ZNF804A: variants seen among roughly 807,000 people sequenced by gnomAD.
The protein encoded by ZNF804A is zinc finger protein 804A.
A neutral mutation model predicts 16.5 loss-of-function variants in ZNF804A; 2 were observed. The ratio of observed to expected loss-of-function variants is 0.12; its 90% CI spans 0.05 to 0.38. The LOEUF (loss-of-function observed/expected upper bound fraction) is 0.38. ZNF804A is among the 10% of genes least tolerant of loss of function. The probability of loss-of-function intolerance (pLI) is 0.99; values close to 1 mark genes in which losing one functional copy is unlikely to be tolerated. For missense variants in ZNF804A, 1,473 were observed against 1,390.7 expected (o/e 1.06, Z -0.94); for synonymous variants, 534 against 489.6 (o/e 1.09, Z -1.20).
intron 1 of ZNF804A, among the ~76,000 whole-genome samples, chr2:184,750,074 G>A (rs1165544700): frequency 1.3e-5 from 2 of 151,320 alleles, no homozygotes; most frequent in Admixed American, 1.3e-4. Context: ...CATCGAGACT[G>A]TATATATGTG....
intron 1 of ZNF804A, among the ~76,000 whole-genome samples, chr2:184,831,949 GA>G (rs1464572608): frequency 1.3e-5 from 2 of 151,978 alleles, no homozygotes; most frequent in Middle Eastern, 3.2e-3. Flanking sequence ...AACTACACGT[GA>G]GTGGAAACGA....
intron 1 of ZNF804A, among the ~76,000 whole-genome samples, chr2:184,619,832 A>G (rs994003211): frequency 3.9e-5 from 6 of 151,966 alleles, no homozygotes; most frequent in African/African-American, 1.4e-4. Flanking sequence ...AAGAATAAAT[A>G]CAGCAGAGAA....
intron 1 of ZNF804A, among the ~76,000 whole-genome samples, chr2:184,739,589 G>A (rs1002618486): frequency 2.0e-5 from 3 of 152,070 alleles, no homozygotes; most frequent in South Asian, 2.1e-4. Context: ...ACAGGGTTTT[G>A]CCATGTTGGC....
At chr2:184,675,272 T>C (rs547754501) in intron 1 of ZNF804A, among the ~76,000 whole-genome samples, 1 of 151,956 alleles carries the variant, frequency 6.6e-6, no homozygotes, top group South Asian at 2.1e-4. Context: ...ATTATTGTTA[T>C]TACTAATCCT....
intron 1 of ZNF804A, among the ~76,000 whole-genome samples, chr2:184,746,223 A>G (rs1693787337): frequency 6.6e-6 from 1 of 151,548 alleles, no homozygotes. Flanking sequence ...ACTTTGAAAT[A>G]CACAATAAGT....
At chr2:184,801,815 G>A (rs756511493) in intron 1 of ZNF804A, among the ~76,000 whole-genome samples, 2 of 152,144 alleles carry the variant, frequency 1.3e-5, no homozygotes, top group African/African-American at 2.4e-5. Context: ...TGTCTCTTCA[G>A]AGTGTAGATT....
At chr2:184,753,657 A>C (rs1269873330) in intron 1 of ZNF804A, among the ~76,000 whole-genome samples, 1 of 151,654 alleles carries the variant, frequency 6.6e-6, no homozygotes, top group Non-Finnish European at 1.5e-5. Context: ...TCACATGATA[A>C]CTCAGCAATG....
intron 1 of ZNF804A, among the ~76,000 whole-genome samples, chr2:184,735,440 T>C (rs1693591933): frequency 6.6e-6 from 1 of 151,920 alleles, no homozygotes; most frequent in African/African-American, 2.4e-5. Flanking sequence ...CGGGGCCTGT[T>C]TGGGGGTGGG....
chr2:184,767,426 AGTTACCACGG>A (rs556322823), intron 1 of ZNF804A, among the ~76,000 whole-genome samples: 26 of 152,254 alleles, frequency 1.7e-4, no homozygotes, highest in African/African-American at 6.3e-4. Flanking sequence ...AAGTAGAATG[AGTTACCACGG>A]GTTTGTGGAA....
chr2:184,791,729 A>C (rs991193240), intron 1 of ZNF804A, among the ~76,000 whole-genome samples: 2 of 151,924 alleles, frequency 1.3e-5, no homozygotes, highest in Non-Finnish European at 2.9e-5. Flanking sequence ...ATTAGATTTC[A>C]CTCTTGGTGT....
intron 2 of ZNF804A, among the ~76,000 whole-genome samples, chr2:184,920,593 G>A (rs1481537768): frequency 3.3e-5 from 5 of 152,076 alleles, no homozygotes; most frequent in East Asian, 3.9e-4. Context: ...GACAAAACAC[G>A]AAAAATTGGT....
At chr2:184,768,925 C>T (rs1405168988) in intron 1 of ZNF804A, among the ~76,000 whole-genome samples, 7 of 152,014 alleles carry the variant, frequency 4.6e-5, no homozygotes. Flanking sequence ...ATCTTAATCA[C>T]CCTCTTTTAA....
chr2:184,755,313 A>G (rs188457162), intron 1 of ZNF804A, among the ~76,000 whole-genome samples: 1 of 152,000 alleles, frequency 6.6e-6, no homozygotes, highest in East Asian at 1.9e-4. Flanking sequence ...GTTTTGGCCA[A>G]CTTTCTATAA....
At chr2:184,879,493 T>G (rs1473944886) in intron 2 of ZNF804A, among the ~76,000 whole-genome samples, 1 of 151,998 alleles carries the variant, frequency 6.6e-6, no homozygotes, top group Non-Finnish European at 1.5e-5. Context: ...GTAAATCAAT[T>G]TACAACAAAC....
In ZNF804A at chr2:184,820,227, G is replaced by A. The variant is rs1489362000; in HGVS notation, c.112-46142G>A. Among the ~76,000 whole-genome samples the A allele has an allele frequency of 4.6e-5, 7 of 152,214 alleles. No homozygotes were observed. In the East Asian group the frequency reaches 1.4e-3, roughly 29 times the overall value. ...AAAAAAGGTTATCCAGCACGATCAAGTTGGCTTCATCCCTGGGATACAAGG... is the reference window on the plus strand; with the variant it reads ...AAAAAAGGTTATCCAGCACGATCAAATTGGCTTCATCCCTGGGATACAAGG... On this transcript the variant is annotated intron_variant, in intron 1 of 3. Coordinates refer to ENST00000302277, the MANE Select transcript of ZNF804A (RefSeq NM_194250.2).
intron 1 of ZNF804A, among the ~76,000 whole-genome samples, chr2:184,731,896 G>C (rs1693527151): frequency 6.6e-6 from 1 of 151,694 alleles, no homozygotes; most frequent in African/African-American, 2.4e-5. Context: ...TTCTTAATTG[G>C]GTCGTTTGTA....
At chr2:184,679,325 G>A (rs998971066) in intron 1 of ZNF804A, among the ~76,000 whole-genome samples, 4 of 152,230 alleles carry the variant, frequency 2.6e-5, no homozygotes, top group African/African-American at 9.6e-5. Flanking sequence ...ATGGCAGCGG[G>A]GACCCATTTG....
chr2:184,772,298 TC>T (rs1361266665), intron 1 of ZNF804A, among the ~76,000 whole-genome samples: 6 of 151,852 alleles, frequency 4.0e-5, no homozygotes, highest in Admixed American at 6.6e-5. Flanking sequence ...AGTCACTGTT[TC>T]TTCTTCTACT....
chr2:184,671,839 A>G (rs1426662837), intron 1 of ZNF804A, among the ~76,000 whole-genome samples: 1 of 152,224 alleles, frequency 6.6e-6, no homozygotes, highest in Non-Finnish European at 1.5e-5. Context: ...CAGTCCAATG[A>G]AATGTTTAAT....
Sources: allele counts gnomAD v4.1 joint callset (sites outside exome capture counted in the v4.1 genomes callset), GRCh38; gene constraint gnomAD v4.1.1; transcripts MANE v1.5; gene names NCBI Gene and HGNC (gene_info 2026-07-23, HGNC 2026-07-21).